Variants in TRDN observed in about 807,000 individuals in gnomAD.
The protein encoded by TRDN is triadin in skeletal muscle.
Under a neutral mutation model 149.7 loss-of-function variants are expected in TRDN, and 161 were observed. That is an observed-to-expected ratio of 1.08 (90% CI 0.95 to 1.23). The LOEUF is 1.23. Ranked by LOEUF, TRDN falls within the 50% of genes most tolerant of loss-of-function variation. The pLI, the probability that TRDN is intolerant of heterozygous loss-of-function variation, is 0.00. For missense variants in TRDN, 896 were observed against 823.5 expected (o/e 1.09, Z -1.08); for synonymous variants, 294 against 250.5 (o/e 1.17, Z -1.64).
At chr6:123,630,231 C>T (rs970131786) in intron 1 of TRDN, among the ~76,000 whole-genome samples, 1 of 151,948 alleles carries the variant, frequency 6.6e-6, no homozygotes, top group Non-Finnish European at 1.5e-5. Context: ...ATGTCCCCAA[C>T]GGGTTTCTTT....
intron 4 of TRDN, among the ~76,000 whole-genome samples, chr6:123,532,644 T>C (rs892565096): frequency 6.6e-6 from 1 of 151,978 alleles, no homozygotes; most frequent in African/African-American, 2.4e-5. Flanking sequence ...TTCCTTGTAA[T>C]AATTTTTTAA....
intron 1 of TRDN, among the ~76,000 whole-genome samples, chr6:123,601,598 G>A (rs1784282099): frequency 6.6e-6 from 1 of 151,996 alleles, no homozygotes; most frequent in South Asian, 2.1e-4. Context: ...AAGCAGTCAG[G>A]GCTGCTACAC....
chr6:123,614,188 G>C (rs1457814663), intron 1 of TRDN, among the ~76,000 whole-genome samples: 1 of 149,818 alleles, frequency 6.7e-6, no homozygotes, highest in Non-Finnish European at 1.5e-5. Flanking sequence ...ACATGTTAAG[G>C]TTTGGGAGGC....
chr6:123,246,046 G>A (rs76628208), intron 38 of TRDN, among the ~76,000 whole-genome samples: 6,717 of 152,096 alleles, frequency 0.044, 435 homozygotes, highest in African/African-American at 0.15. Context: ...CAGTGAGAAT[G>A]AAGACACAAT....
intron 8 of TRDN, chr6:123,498,460 C>A: frequency 2.3e-6 from 1 of 433,902 alleles, no homozygotes; most frequent in South Asian, 1.8e-5. Context: ...TAAATAAGGG[C>A]AGGCCAAAAC....
chr6:123,619,861 T>TA (rs1055175776), intron 1 of TRDN, among the ~76,000 whole-genome samples: 8 of 151,976 alleles, frequency 5.3e-5, no homozygotes, highest in Non-Finnish European at 7.4e-5. Context: ...TGCATACAGA[T>TA]AAAAAAACAG....
In TRDN at chr6:123,375,626, T is replaced by C; in HGVS notation, c.1252A>G (p.Ser418Gly). 9 of 1,529,220 alleles carry C rather than the reference T, an allele frequency of 5.9e-6. No homozygotes were observed. The highest frequency in any genetic ancestry group is 7.9e-6 in the Non-Finnish European group (9 of 1,136,536). 94.7% of individuals were successfully genotyped at this position (1,529,220 alleles called of 1,614,324 possible). A position where few individuals can be genotyped will look rare whatever the true frequency, so the allele number is the denominator to read the frequency against. Reference protein sequence around the residue: ...KSPKKEHSVPSDKQVKAKTER... With the variant: ...KSPKKEHSVPGDKQVKAKTER... ...ATACTTGCTTTTACTTGTTTGTCAC[T>C]TGGAACTGTTAATGACAAGAAATAA... The change falls in exon 19 of 41, where the codon AGT (serine) becomes GGT (glycine). Residue 418 changes from serine (S) to glycine (G), a missense_variant. Physicochemically the swap from Ser to Gly is moderately conservative, Grantham distance 56. Transcript: ENST00000334268.
chr6:123,556,564 C>A (rs1438966693), intron 2 of TRDN, among the ~76,000 whole-genome samples: 1 of 151,762 alleles, frequency 6.6e-6, no homozygotes, highest in Non-Finnish European at 1.5e-5. Flanking sequence ...TGTTCAGTCT[C>A]TCTTTCTCTA....
intron 29 of TRDN, among the ~76,000 whole-genome samples, chr6:123,272,148 C>T (rs1300900686): frequency 2.0e-5 from 3 of 151,880 alleles, no homozygotes; most frequent in Admixed American, 6.6e-5. Flanking sequence ...CAGACTAAAA[C>T]CCATTGTATA....
intron 22 of TRDN, among the ~76,000 whole-genome samples, chr6:123,336,707 A>C (rs1779884977): frequency 6.6e-6 from 1 of 151,826 alleles, no homozygotes; most frequent in Non-Finnish European, 1.5e-5. Flanking sequence ...CAGAATAAAT[A>C]ATTGTTGAAT....
At chr6:123,299,775 T>G (rs946830052) in intron 24 of TRDN, among the ~76,000 whole-genome samples, 1 of 152,042 alleles carries the variant, frequency 6.6e-6, no homozygotes, top group African/African-American at 2.4e-5. Flanking sequence ...AAAAACTAGT[T>G]AATACATTGA....
intron 1 of TRDN, among the ~76,000 whole-genome samples, chr6:123,628,536 G>A (rs1785795690): frequency 6.6e-6 from 1 of 151,998 alleles, no homozygotes. Flanking sequence ...ACCAAAATGT[G>A]ACACAGAGAC....
chr6:123,285,931 C>T (rs1303163933), intron 24 of TRDN, among the ~76,000 whole-genome samples: 1 of 152,018 alleles, frequency 6.6e-6, no homozygotes, highest in Admixed American at 6.6e-5. Flanking sequence ...AAATGTTCAA[C>T]ATCACTAATA....
In TRDN at chr6:123,545,114, C is replaced by T. The variant is rs554598474; in HGVS notation, c.424+2226G>A. Among the ~76,000 whole-genome samples the T allele has an allele frequency of 3.6e-4, 55 of 151,652 alleles. No individual in the cohort carries two copies. In the South Asian group the frequency reaches 0.011, roughly 30 times the overall value. On this transcript the variant is annotated intron_variant, in intron 4 of 40. Transcript: ENST00000334268. The stretch of plus-strand genomic sequence containing the variant: ...AAATGCTACAGCCTGATAATTTAGG[C>T]AATAAAAAATGACTAAATATTATTG...
chr6:123,320,185 T>C (rs1300499575), intron 23 of TRDN, among the ~76,000 whole-genome samples: 2 of 150,932 alleles, frequency 1.3e-5, no homozygotes, highest in African/African-American at 4.8e-5. Flanking sequence ...CATAGATATC[T>C]CACATGTGGA....
intron 18 of TRDN, among the ~76,000 whole-genome samples, chr6:123,376,373 T>A (rs1781504059): frequency 6.6e-6 from 1 of 152,196 alleles, no homozygotes; most frequent in Non-Finnish European, 1.5e-5. Context: ...TGCTGAAATG[T>A]GCAATTATTG....
At chr6:123,349,550 TA>T in intron 21 of TRDN, 2 of 889,246 alleles carry the variant, frequency 2.2e-6, no homozygotes, top group South Asian at 1.0e-4. Context: ...TAAGTTATTT[TA>T]AAAATACATA....
chr6:123,587,189 C>A (rs1349172150), intron 1 of TRDN, among the ~76,000 whole-genome samples: 4 of 152,120 alleles, frequency 2.6e-5, no homozygotes, highest in African/African-American at 9.7e-5. Context: ...CCAAGGCAGG[C>A]GTCCCTGCGT....
chr6:123,347,438 C>G (rs946307412), intron 21 of TRDN, among the ~76,000 whole-genome samples: 2 of 151,970 alleles, frequency 1.3e-5, no homozygotes, highest in Non-Finnish European at 2.9e-5. Context: ...ATTACTAATT[C>G]TCATGCTTAC....
Sources: gnomAD v4.1 joint callset for allele counts (sites outside exome capture counted in the v4.1 genomes callset) on GRCh38, gnomAD v4.1.1 for gene constraint, MANE v1.5 for transcripts, NCBI Gene and HGNC (gene_info 2026-07-23, HGNC 2026-07-21) for gene names.